The following ZNF407 variants were observed in gnomAD, a reference collection of about 807,000 sequenced individuals.
ZNF407 encodes the protein zinc finger protein 407.
ZNF407 carries 17 observed loss-of-function variants against 131.2 expected under a neutral mutation model. That is an observed-to-expected ratio of 0.13 (90% CI 0.09 to 0.19). The LOEUF (loss-of-function observed/expected upper bound fraction) is 0.19, where lower values mean the gene tolerates loss of function less well. ZNF407 is among the 10% of genes least tolerant of loss of function. The pLI, the probability that ZNF407 is intolerant of heterozygous loss-of-function variation, is 1.00. For missense variants in ZNF407, 2,681 were observed against 2,830.6 expected (o/e 0.95, Z 1.20); for synonymous variants, 1,156 against 1,062.0 (o/e 1.09, Z -1.72).
chr18:74,897,901 A>C (rs1056738074), intron 7 of ZNF407: 10 of 152,352 alleles, frequency 6.6e-5, no homozygotes, highest in Non-Finnish European at 1.3e-4. Flanking sequence ...TTGGTGGAAA[A>C]TAGCAACGAC....
chr18:74,739,242 G>T (rs1293288166), intron 3 of ZNF407, among the ~76,000 whole-genome samples: 4 of 151,410 alleles, frequency 2.6e-5, no homozygotes, highest in Non-Finnish European at 5.9e-5. Flanking sequence ...ATATCCAGTT[G>T]GGAGTGCTTA....
chr18:74,945,013 A>G (rs1251492985), intron 8 of ZNF407, among the ~76,000 whole-genome samples: 1 of 152,132 alleles, frequency 6.6e-6, no homozygotes, highest in East Asian at 1.9e-4. Context: ...ACAGCCAGCG[A>G]CGACTCGTAT....
At chr18:74,954,761 A>G (rs974450670) in intron 8 of ZNF407, among the ~76,000 whole-genome samples, 2 of 152,204 alleles carry the variant, frequency 1.3e-5, no homozygotes, top group African/African-American at 4.8e-5. Flanking sequence ...GTCCAATCCA[A>G]TGTCTAACCT....
intron 8 of ZNF407, among the ~76,000 whole-genome samples, chr18:75,000,480 G>A (rs1459360633): frequency 2.6e-5 from 4 of 152,254 alleles, no homozygotes; most frequent in African/African-American, 7.2e-5. Context: ...CTTTTTCTTG[G>A]TGCTCCTCAA....
At chr18:75,034,014 G>A (rs1178145577) in intron 8 of ZNF407, among the ~76,000 whole-genome samples, 6 of 152,088 alleles carry the variant, frequency 3.9e-5, no homozygotes, top group Non-Finnish European at 5.9e-5. Context: ...TAGTCAAGTC[G>A]TATTTTCCAT....
At chr18:75,010,488 C>T (rs1288193975) in intron 8 of ZNF407, among the ~76,000 whole-genome samples, 2 of 152,148 alleles carry the variant, frequency 1.3e-5, no homozygotes, top group African/African-American at 4.8e-5. Context: ...GATTTTCTGC[C>T]ACTTCCTTGT....
chr18:74,605,811 T>C (rs1346371715), intron 1 of ZNF407, among the ~76,000 whole-genome samples: 1 of 152,180 alleles, frequency 6.6e-6, no homozygotes, highest in Non-Finnish European at 1.5e-5. Flanking sequence ...ACTAGAAAGG[T>C]ACGTCATTAA....
At chr18:74,888,793 G>A (rs1265775812) in intron 6 of ZNF407, among the ~76,000 whole-genome samples, 1 of 152,184 alleles carries the variant, frequency 6.6e-6, no homozygotes, top group Non-Finnish European at 1.5e-5. Flanking sequence ...ATGATTTAAA[G>A]GAGAGGGAGG....
chr18:75,033,404 C>T (rs145642435), intron 8 of ZNF407, among the ~76,000 whole-genome samples: 24 of 152,240 alleles, frequency 1.6e-4, no homozygotes, highest in East Asian at 9.6e-4. Context: ...TTCTCCTGGG[C>T]GAAAAATTTA....
At chr18:74,839,189 G>A (rs543777131) in intron 4 of ZNF407, among the ~76,000 whole-genome samples, 11 of 152,096 alleles carry the variant, frequency 7.2e-5, no homozygotes, top group Non-Finnish European at 1.3e-4. Context: ...TTTCATTGGT[G>A]CACATCTCTA....
At chr18:74,615,410 CAGGAGAA>C (rs1405643073) in intron 1 of ZNF407, among the ~76,000 whole-genome samples, 1 of 152,164 alleles carries the variant, frequency 6.6e-6, no homozygotes. Flanking sequence ...GAGGCTGAGA[CAGGAGAA>C]TTGCTTGAAC....
At chr18:74,692,034 C>T (rs1345146252) in intron 3 of ZNF407, among the ~76,000 whole-genome samples, 1 of 152,060 alleles carries the variant, frequency 6.6e-6, no homozygotes, top group Non-Finnish European at 1.5e-5. Flanking sequence ...GTCGAGGCTG[C>T]AATGAGCTGT....
chr18:74,805,417 A>G (rs951444952), intron 4 of ZNF407, among the ~76,000 whole-genome samples: 2 of 152,182 alleles, frequency 1.3e-5, no homozygotes, highest in Non-Finnish European at 2.9e-5. Flanking sequence ...ACACTTTTCT[A>G]TTTATAGTTG....
At chr18:74,792,482 G>A (rs2145052605) in intron 4 of ZNF407, among the ~76,000 whole-genome samples, 1 of 148,648 alleles carries the variant, frequency 6.7e-6, no homozygotes, top group African/African-American at 2.5e-5. Context: ...CTAGATAGTG[G>A]CAGACTTATT....
chr18:74,986,070 C>T (rs575704818), intron 8 of ZNF407, among the ~76,000 whole-genome samples: 1 of 152,250 alleles, frequency 6.6e-6, no homozygotes, highest in African/African-American at 2.4e-5. Context: ...GCATTTTTGC[C>T]ATCTCCATGT....
chr18:74,679,955 A>G (rs1362967256), intron 3 of ZNF407, among the ~76,000 whole-genome samples: 1 of 152,158 alleles, frequency 6.6e-6, no homozygotes, highest in African/African-American at 2.4e-5. Context: ...TTCTAGATGG[A>G]CCCGTTATTA....
intron 3 of ZNF407, among the ~76,000 whole-genome samples, chr18:74,727,631 A>C (rs141262457): frequency 7.5e-4 from 114 of 152,222 alleles, no homozygotes; most frequent in African/African-American, 2.2e-3. Flanking sequence ...TTACTTTTCA[A>C]CTTTCAGAAT....
intron 4 of ZNF407, among the ~76,000 whole-genome samples, chr18:74,861,271 T>C (rs17055771): frequency 0.011 from 1,652 of 152,318 alleles, 35 homozygotes; most frequent in Admixed American, 0.053. Context: ...TCAGGCACAT[T>C]CTTGTTGTGT....
intron 8 of ZNF407, among the ~76,000 whole-genome samples, chr18:74,947,555 A>C (rs1972167020): frequency 6.6e-6 from 1 of 152,198 alleles, no homozygotes; most frequent in African/African-American, 2.4e-5. Context: ...GCAGCAGCAA[A>C]ATGCAGGTTC....
Sources: gnomAD v4.1 joint callset for allele counts (sites outside exome capture counted in the v4.1 genomes callset) on GRCh38, gnomAD v4.1.1 for gene constraint, MANE v1.5 for transcripts, NCBI Gene and HGNC (gene_info 2026-07-23, HGNC 2026-07-21) for gene names.